Variants in SEPTIN14 observed in about 807,000 individuals in gnomAD.
SEPTIN14 encodes the protein septin-14.
Under a neutral mutation model 53.6 loss-of-function variants are expected in SEPTIN14, and 40 were observed. That is an observed-to-expected ratio of 0.75 (90% confidence interval 0.58 to 0.97). The LOEUF (loss-of-function observed/expected upper bound fraction) is 0.97. Among genes scored for constraint, SEPTIN14 ranks in the 50% least tolerant of loss-of-function variants. The probability of loss-of-function intolerance (pLI) is 0.00; values close to 1 mark genes in which losing one functional copy is unlikely to be tolerated. For missense variants in SEPTIN14, 471 were observed against 508.2 expected (o/e 0.93, Z 0.70); for synonymous variants, 138 against 166.8 (o/e 0.83, Z 1.33).
In SEPTIN14 at chr7:55,805,407, T is replaced by C. The variant is rs767247052; in HGVS notation, c.987-17A>G. ...TCTTGAAAACTAAAGAGAAATGTTT[T>C]CTTAGTCTTATATTAAAATGAGGTA... On this transcript the variant is annotated splice_polypyrimidine_tract_variant and intron_variant, in intron 8 of 9. Transcript: ENST00000388975. The C allele has an allele frequency of 6.5e-7, 1 of 1,530,402 alleles. No homozygotes were observed. The allele number at this position is 1,530,402 out of a possible 1,614,324, so 94.8% of individuals were successfully genotyped here.
intron 2 of SEPTIN14, among the ~76,000 whole-genome samples, chr7:55,855,587 G>A (rs1306942179): frequency 2.0e-5 from 3 of 152,000 alleles, no homozygotes; most frequent in Admixed American, 6.6e-5. Flanking sequence ...ACAGAGTGTC[G>A]CTCTATTGAC....
intron 2 of SEPTIN14, among the ~76,000 whole-genome samples, chr7:55,852,393 A>G (rs945848497): frequency 2.6e-5 from 4 of 152,208 alleles, no homozygotes; most frequent in Admixed American, 2.0e-4. Context: ...AGACATGTAC[A>G]GTGAACTCAT....
intron 6 of SEPTIN14, among the ~76,000 whole-genome samples, chr7:55,819,872 C>A (rs1182200534): frequency 6.6e-6 from 1 of 152,036 alleles, no homozygotes; most frequent in Non-Finnish European, 1.5e-5. Context: ...AAATAACATG[C>A]AAATAACTTT....
At chr7:55,822,419 G>T (rs1212626702) in intron 6 of SEPTIN14, among the ~76,000 whole-genome samples, 6 of 152,096 alleles carry the variant, frequency 3.9e-5, no homozygotes, top group African/African-American at 1.4e-4. Flanking sequence ...AAATTTATAT[G>T]AAAAGGCAAA....
chr7:55,862,056 G>A (rs1789758838), intron 1 of SEPTIN14, 45 bp from the exon 2 acceptor site: 1 of 1,188,642 alleles, frequency 8.4e-7, no homozygotes, highest in Non-Finnish European at 1.2e-6. Flanking sequence ...TTCTTACAAA[G>A]GCTATATTCT....
chr7:55,844,681 T>A lies in SEPTIN14; in HGVS notation c.213A>T (p.Thr71=). ...TATCTTTCAAGTTAGTATTAAACAA[T>A]GTGTCTATCAGTGTCGATTTTCCAA... ...TGIGKSTLID[T]LFNTNLKDNK... Residue 71 remains threonine, a synonymous_variant, in exon 4 of 10, where the codon ACA becomes ACT. Coordinates refer to ENST00000388975, the MANE Select transcript of SEPTIN14 (RefSeq NM_207366.3). The A allele has an allele frequency of 6.2e-7, 1 of 1,608,658 alleles. No homozygotes were observed. Among genetic ancestry groups the A allele is most frequent in the Non-Finnish European group, 8.5e-7 (1 of 1,176,242 alleles).
chr7:55,855,072 T>G (rs1789592589), intron 2 of SEPTIN14, among the ~76,000 whole-genome samples: 1 of 150,094 alleles, frequency 6.7e-6, no homozygotes, highest in African/African-American at 2.4e-5. Flanking sequence ...GCAGTGGCAC[T>G]ATCTCGGCTC....
chr7:55,833,310 G>A (rs1235026798), intron 6 of SEPTIN14, among the ~76,000 whole-genome samples: 3 of 150,060 alleles, frequency 2.0e-5, no homozygotes, highest in East Asian at 2.0e-4. Flanking sequence ...GAGAGACTCC[G>A]TCTCAAAAAA....
At chr7:55,810,978 T>C (rs1172545859) in intron 7 of SEPTIN14, 3 of 427,592 alleles carry the variant, frequency 7.0e-6, no homozygotes, top group Non-Finnish European at 1.4e-5. Context: ...AGTTCTGTTC[T>C]TGGATGCAGG....
intron 7 of SEPTIN14, among the ~76,000 whole-genome samples, chr7:55,815,388 A>G (rs879805289): frequency 6.6e-6 from 1 of 152,236 alleles, no homozygotes; most frequent in Non-Finnish European, 1.5e-5. Flanking sequence ...AAAGATTAAT[A>G]GCCAGAATAT....
Position 55,844,535 on chromosome 7 carries a change from T to C in SEPTIN14, c.359A>G (p.Asp120Gly), listed in dbSNP as rs750265504. 5 of 1,486,270 alleles carry C rather than the reference T, an allele frequency of 3.4e-6. No homozygotes were observed. Among genetic ancestry groups the C allele is most frequent in the Admixed American group, 2.0e-5 (1 of 50,614 alleles). 92.1% of individuals were successfully genotyped at this position (1,486,270 alleles called of 1,614,324 possible). A position where few individuals can be genotyped will look rare whatever the true frequency, so the allele number is the denominator to read the frequency against. The change falls in exon 4 of 10, where the codon GAC becomes GGC. Residue 120 changes from aspartate (D) to glycine (G), a missense_variant. Transcript: ENST00000388975. ...AGAAAACACTCACCTGGCTTCTTTG[T>C]CTATTTGATCACCATACCCTACTGT... ...VETVGYGDQIDKEASYQPIVD... is the reference protein window; with the variant it reads ...VETVGYGDQIGKEASYQPIVD...
chr7:55,820,714 C>A (rs192397327), intron 6 of SEPTIN14, among the ~76,000 whole-genome samples: 1 of 152,020 alleles, frequency 6.6e-6, no homozygotes, highest in African/African-American at 2.4e-5. Context: ...CCGAGGTGGG[C>A]GGATCACCTG....
chr7:55,854,900 A>C (rs1438226407), intron 2 of SEPTIN14, among the ~76,000 whole-genome samples: 1 of 152,228 alleles, frequency 6.6e-6, no homozygotes, highest in Non-Finnish European at 1.5e-5. Flanking sequence ...ATATACAAAA[A>C]TCAGTTATAT....
chr7:55,846,536 A>C lies in SEPTIN14; in HGVS notation c.156T>G (p.Thr52=), dbSNP rs1412336386. 1.3e-6 allele frequency: 2 copies of C among 1,596,598 alleles called. No homozygotes were observed. ...LVSRSIRQGF[T]FNILCVGETG... Reference sequence around the variant, plus strand: ...ACTTACCCACACAGAGAATATTAAAAGTGAATCCTTGTCGGATAGATCTGC... The same window carrying C: ...ACTTACCCACACAGAGAATATTAAACGTGAATCCTTGTCGGATAGATCTGC... Residue 52 remains threonine (T), a synonymous_variant, in exon 3 of 10, where the codon ACT becomes ACG. Transcript: ENST00000388975.
At chr7:55,799,802 G>A (rs1294263197) in intron 9 of SEPTIN14, among the ~76,000 whole-genome samples, 2 of 152,118 alleles carry the variant, frequency 1.3e-5, no homozygotes, top group African/African-American at 2.4e-5. Context: ...GGGGACTACT[G>A]TATCCCACTT....
intron 2 of SEPTIN14, among the ~76,000 whole-genome samples, chr7:55,860,133 C>T (rs924739261): frequency 1.3e-5 from 2 of 149,636 alleles, no homozygotes; most frequent in African/African-American, 2.5e-5. Context: ...GAGCTGAGAT[C>T]ATGCCATTGC....
At chr7:55,800,890 A>C (rs1910843) in intron 9 of SEPTIN14, among the ~76,000 whole-genome samples, 27,649 of 152,078 alleles carry the variant, frequency 0.18, 3,393 homozygotes, top group East Asian at 0.43. Context: ...ATCCCATTTA[A>C]CTTGATGTGA....
intron 2 of SEPTIN14, among the ~76,000 whole-genome samples, chr7:55,861,547 A>G (rs1336517958): frequency 6.6e-6 from 1 of 152,152 alleles, no homozygotes; most frequent in African/African-American, 2.4e-5. Context: ...CAGTAAAGCA[A>G]TCAGCAAGCA....
intron 2 of SEPTIN14, among the ~76,000 whole-genome samples, chr7:55,857,456 AGGGGAG>A (rs1334818834): frequency 9.0e-6 from 1 of 110,902 alleles, no homozygotes; most frequent in African/African-American, 3.5e-5. Flanking sequence ...AAGGAAGGGA[AGGGGAG>A]GGGAGGGGAG....
Sources: allele counts gnomAD v4.1 joint callset (sites outside exome capture counted in the v4.1 genomes callset), GRCh38; gene constraint gnomAD v4.1.1; transcripts MANE v1.5; gene names NCBI Gene and HGNC (gene_info 2026-07-23, HGNC 2026-07-21).